The following DDX10 variants were observed in gnomAD, a reference collection of about 807,000 sequenced individuals.
DDX10 encodes the protein probable ATP-dependent RNA helicase DDX10.
Under a neutral mutation model 104.3 loss-of-function variants are expected in DDX10, and 74 were observed. The ratio of observed to expected loss-of-function variants is 0.71; its 90% CI spans 0.59 to 0.86. DDX10 has a LOEUF of 0.86. Among genes scored for constraint, DDX10 ranks in the 40% least tolerant of loss-of-function variants. The pLI is 0.00. For synonymous variants in DDX10, 351 were observed against 353.4 expected (o/e 0.99, Z 0.08); for missense variants, 952 against 1,040.0 (o/e 0.92, Z 1.16).
At position 108,710,603 on chromosome 11, in the gene DDX10, G is replaced by A. The variant is rs545882757; in HGVS notation, c.1322+3766G>A. On this transcript the variant is annotated intron_variant, in intron 10 of 17. Transcript: ENST00000322536. ...TATGATAACAATGCCTCCTTCTTTA[G>A]TACTTCCTGAGGGACCTGCCTGAGG... Among the ~76,000 whole-genome samples, 14 of 152,182 alleles carry A rather than the reference G, an allele frequency of 9.2e-5. No homozygotes were observed. In the South Asian group the frequency reaches 2.7e-3, roughly 29 times the overall value.
At chr11:108,885,200 GC>G (rs1863280110) in intron 16 of DDX10, among the ~76,000 whole-genome samples, 1 of 152,036 alleles carries the variant, frequency 6.6e-6, no homozygotes, top group East Asian at 1.9e-4. Flanking sequence ...GTATCTTAAT[GC>G]CCCCATGTCA....
chr11:108,843,908 TTTC>T (rs1215509507), intron 15 of DDX10, among the ~76,000 whole-genome samples: 4 of 152,258 alleles, frequency 2.6e-5, no homozygotes, highest in Non-Finnish European at 2.9e-5. Flanking sequence ...ATACATATTT[TTTC>T]TTCTTTTCTT....
At chr11:108,868,393 C>T (rs1270448705) in intron 16 of DDX10, 2 of 150,288 alleles carry the variant, frequency 1.3e-5, no homozygotes, top group Non-Finnish European at 3.0e-5. Context: ...TTTTTTTGGC[C>T]TACACTTTAG....
chr11:108,743,764 C>G lies in DDX10; in HGVS notation c.1965+20302C>G, dbSNP rs184827373. Among the ~76,000 whole-genome samples, 292 of 152,184 alleles carry G rather than the reference C, an allele frequency of 1.9e-3. 1 individual carries two copies. Among genetic ancestry groups the G allele is most frequent in the African/African-American group, 6.6e-3 (275 of 41,534 alleles). ...TTTCTATGGCTGTGTACTTCTTCAG[C>G]TTGAAAATAACCTTGGTAGAGGGAG... On this transcript the variant is annotated intron_variant, in intron 13 of 17. Transcript: ENST00000322536.
At chr11:108,711,172 C>G (rs146408195) in intron 10 of DDX10, among the ~76,000 whole-genome samples, 3 of 152,236 alleles carry the variant, frequency 2.0e-5, no homozygotes, top group African/African-American at 4.8e-5. Flanking sequence ...AAATTTCCCT[C>G]TAAGTACTGC....
At chr11:108,918,202 T>C (rs1445410593) in intron 17 of DDX10, 184 bp downstream of exon 17, 8 of 633,608 alleles carry the variant, frequency 1.3e-5, no homozygotes, top group Non-Finnish European at 2.2e-5. Flanking sequence ...CAGATTGTTC[T>C]GGTCATGTTA....
intron 3 of DDX10, among the ~76,000 whole-genome samples, chr11:108,676,213 G>A (rs1014694982): frequency 6.6e-6 from 1 of 152,204 alleles, no homozygotes; most frequent in African/African-American, 2.4e-5. Flanking sequence ...CAGCAAAACA[G>A]TAGAGCTTCT....
intron 16 of DDX10, among the ~76,000 whole-genome samples, chr11:108,872,824 C>G (rs1269980015): frequency 6.8e-6 from 1 of 147,366 alleles, no homozygotes; most frequent in South Asian, 2.3e-4. Flanking sequence ...TTCCGTTCCC[C>G]CCCCCTCCCA....
chr11:108,692,188 G>T (rs1465281821), intron 8 of DDX10, 150 bp downstream of exon 8: 2 of 663,458 alleles, frequency 3.0e-6, no homozygotes, highest in African/African-American at 3.7e-5. Context: ...GGTAGCAGTT[G>T]ACTAACATTA....
At chr11:108,672,594 T>G (rs1410997293) in intron 1 of DDX10, among the ~76,000 whole-genome samples, 2 of 152,266 alleles carry the variant, frequency 1.3e-5, no homozygotes, top group Admixed American at 6.5e-5. Context: ...AGGAAAGATG[T>G]GTAGATTGTA....
chr11:108,849,984 G>A (rs1017549179), intron 15 of DDX10, among the ~76,000 whole-genome samples: 4 of 151,774 alleles, frequency 2.6e-5, no homozygotes, highest in East Asian at 1.9e-4. Context: ...CAGTTCTTTC[G>A]CTTCTGTCTT....
chr11:108,678,576 G>T lies in DDX10; in HGVS notation c.658+141G>T, dbSNP rs539781509. On this transcript the variant is annotated intron_variant, in intron 5 of 17. Coordinates refer to ENST00000322536, the MANE Select transcript of DDX10 (RefSeq NM_004398.4). The stretch of plus-strand genomic sequence containing the variant: ...ACTTAAAAATTACTGAAACATTTTG[G>T]CATTTGGGCTCTAAACCCAGAAAGT... 5 of 943,168 alleles carry T rather than the reference G, an allele frequency of 5.3e-6. No individual in the cohort carries two copies. The East Asian group carries it at 1.4e-4, about 27-fold the overall frequency. The allele number at this position is 943,168 out of a possible 1,614,324, so 58.4% of individuals were successfully genotyped here.
In DDX10 at chr11:108,934,097, C is replaced by T. The variant is rs997461596; in HGVS notation, c.2451-6149C>T. Among the ~76,000 whole-genome samples, 17 of 152,286 alleles carry T rather than the reference C, an allele frequency of 1.1e-4. 1 individual carries two copies. Among genetic ancestry groups the T allele is most frequent in the Admixed American group, 1.1e-3 (17 of 15,298 alleles). On this transcript the variant is annotated intron_variant, in intron 17 of 17. Coordinates refer to ENST00000322536, the MANE Select transcript of DDX10 (RefSeq NM_004398.4). ...ATGTGAGGGTAACCCTAAGAGGGCA[C>T]TTGACTCAGATGAGGGTGGGTCAGG...
At chr11:108,720,749 G>T (rs2094297294) in intron 12 of DDX10, among the ~76,000 whole-genome samples, 1 of 151,804 alleles carries the variant, frequency 6.6e-6, no homozygotes, top group Non-Finnish European at 1.5e-5. Context: ...TGCTACCATG[G>T]CTGGCTAGTT....
In DDX10 at chr11:108,719,801, T is replaced by C. The variant is rs774028727; in HGVS notation, c.1415T>C (p.Phe472Ser). ...TTTCAACCTCTTAATTTACAGTGTT[T>C]CGTCTCCTATGTACGATCTGTATAT... ...QDLKERAQRCFVSYVRSVYLM... is the reference protein window; with the variant it reads ...QDLKERAQRCSVSYVRSVYLM... The change falls in exon 12 of 18, where the codon TTC (phenylalanine) becomes TCC (serine). Residue 472 changes from phenylalanine (F) to serine (S), a missense_variant. This residue lies in a region of DDX10 where 533 missense variants were observed against 534.1 expected (regional missense o/e 1.00). Transcript: ENST00000322536. The C allele has an allele frequency of 1.3e-6, 2 of 1,592,822 alleles. No individual in the cohort carries two copies. Among genetic ancestry groups the C allele is most frequent in the East Asian group, 2.2e-5 (1 of 44,714 alleles).
chr11:108,931,328 A>G (rs1863973200), intron 17 of DDX10, among the ~76,000 whole-genome samples: 1 of 152,212 alleles, frequency 6.6e-6, no homozygotes, highest in Admixed American at 6.5e-5. Context: ...CATGAGGTAG[A>G]TATTAGTCAC....
intron 13 of DDX10, among the ~76,000 whole-genome samples, chr11:108,780,278 G>A (rs2094376426): frequency 1.3e-5 from 2 of 152,188 alleles, no homozygotes; most frequent in African/African-American, 4.8e-5. Context: ...GGTGGCTGAA[G>A]TTAAAGAGGA....
chr11:108,747,301 A>C (rs2094332988), intron 13 of DDX10, among the ~76,000 whole-genome samples: 1 of 152,204 alleles, frequency 6.6e-6, no homozygotes, highest in East Asian at 1.9e-4. Context: ...GGTGTCCTAC[A>C]ACATGCTTAA....
At position 108,723,281 on chromosome 11, in the gene DDX10, A is replaced by G. The variant is rs2094300992; in HGVS notation, c.1784A>G (p.Lys595Arg). The G allele has an allele frequency of 1.2e-6, 2 of 1,613,674 alleles. No individual in the cohort carries two copies. The highest frequency in any genetic ancestry group is 2.7e-5 in the African/African-American group (2 of 75,048). ...GACGATGAAGAAGAAATGGAAGAGA[A>G]ACTGGCAAAAGCAAAAGGATCTCAA... is the stretch of plus-strand genomic sequence containing the variant. ...EEDDEEEMEEKLAKAKGSQAP... is the reference protein window; with the variant it reads ...EEDDEEEMEERLAKAKGSQAP... The change falls in exon 13 of 18, where the codon AAA becomes AGA. Residue 595 changes from lysine (K) to arginine (R), a missense_variant. By Grantham distance (26) the Lys-to-Arg change is conservative (BLOSUM62 2). Transcript: ENST00000322536.
Sources: gnomAD v4.1 joint callset for allele counts (sites outside exome capture counted in the v4.1 genomes callset) on GRCh38, gnomAD v4.1.1 for gene constraint, gnomAD v4.1.1 regional missense constraint, MANE v1.5 for transcripts, NCBI Gene and HGNC (gene_info 2026-07-23, HGNC 2026-07-21) for gene names.